Variants in ZNF512 observed in about 807,000 individuals in gnomAD.
ZNF512 encodes zinc finger protein 512.
ZNF512 carries 25 observed loss-of-function variants against 77.5 expected under a neutral mutation model. The observed-to-expected ratio is 0.32, with a 90% confidence interval of 0.23 to 0.45. The LOEUF (loss-of-function observed/expected upper bound fraction) is 0.45. ZNF512 is among the 20% of genes least tolerant of loss of function. The pLI is 1.00. For missense variants in ZNF512, 483 were observed against 692.6 expected, an observed-to-expected ratio of 0.70 and a Z score of 3.40; for synonymous variants, 246 against 239.9, an observed-to-expected ratio of 1.03 and a Z score of -0.24.
intron 3 of ZNF512, among the ~76,000 whole-genome samples, chr2:27,598,804 C>T (rs1264916038): frequency 6.6e-6 from 1 of 151,788 alleles, no homozygotes; most frequent in East Asian, 1.9e-4. Context: ...TTTGATTTTC[C>T]TCTTTGTAGT....
At chr2:27,592,839 C>A (rs1336843760) in intron 2 of ZNF512, among the ~76,000 whole-genome samples, 1 of 151,614 alleles carries the variant, frequency 6.6e-6, no homozygotes, top group Non-Finnish European at 1.5e-5. Flanking sequence ...GCATGTGCCA[C>A]CATGCCCAGC....
chr2:27,610,568 ATTTTTTTT>A (rs767964486), intron 10 of ZNF512, among the ~76,000 whole-genome samples: 305 of 18,174 alleles, frequency 0.017, 20 homozygotes, highest in African/African-American at 0.042. Context: ...ATATATATAT[ATTTTTTTT>A]TTTTTTTTTT....
intron 2 of ZNF512, among the ~76,000 whole-genome samples, chr2:27,588,311 G>A (rs1031358279): frequency 6.6e-6 from 1 of 151,958 alleles, no homozygotes; most frequent in African/African-American, 2.4e-5. Flanking sequence ...GCGACAGAGC[G>A]AGATTCCGTC....
Position 27,616,245 on chromosome 2 carries a change from TTTC to T in ZNF512, c.1234-12_1234-10del. ...GCTATTTGGCATAGTCTTCATACTA[TTTC>T]TTCTCTTTTGCAGGGCTGTGAGGCT... On this transcript the variant is annotated splice_polypyrimidine_tract_variant and intron_variant, in intron 11 of 13. Coordinates refer to ENST00000355467, the MANE Select transcript of ZNF512 (RefSeq NM_032434.4). 1 of 1,610,166 alleles carries T rather than the reference TTTC, an allele frequency of 6.2e-7. No individual in the cohort carries two copies. The highest frequency in any genetic ancestry group is 8.5e-7 in the Non-Finnish European group (1 of 1,176,450).
chr2:27,587,630 C>T (rs747064824), intron 2 of ZNF512, among the ~76,000 whole-genome samples: 17 of 148,636 alleles, frequency 1.1e-4, no homozygotes, highest in African/African-American at 3.9e-4. Flanking sequence ...AGCATCTGTT[C>T]GTATTCTTTC....
intron 10 of ZNF512, among the ~76,000 whole-genome samples, chr2:27,610,581 T>TATATATATACACA (rs1558474954): frequency 1.9e-5 from 1 of 51,484 alleles, no homozygotes; most frequent in African/African-American, 9.5e-5. Context: ...TTTTTTTTTT[T>TATATATATACACA]TTTTTTTTTT....
At chr2:27,605,959 C>T (rs1471083492) in intron 9 of ZNF512, among the ~76,000 whole-genome samples, 1 of 152,202 alleles carries the variant, frequency 6.6e-6, no homozygotes, top group Non-Finnish European at 1.5e-5. Flanking sequence ...GCTTTGCATC[C>T]TTGTCTACAT....
rs143764951 is a variant in ZNF512 at position 27,596,711 on chromosome 2, G to C, written c.90-1356G>C. Among the ~76,000 whole-genome samples, 611 of 152,342 alleles carry C rather than the reference G, an allele frequency of 4.0e-3. 3 individuals carry two copies. Among genetic ancestry groups the C allele is most frequent in the African/African-American group, 0.014 (584 of 41,580 alleles). On this transcript the variant is annotated intron_variant, in intron 2 of 13. Coordinates refer to ENST00000355467, the MANE Select transcript of ZNF512 (RefSeq NM_032434.4). ...CTTAGTGGGCTTAGCTGCCCCTCCAGAGCCAGGACTTCTGTGTATTAAATT... is the reference window on the plus strand; with the variant it reads ...CTTAGTGGGCTTAGCTGCCCCTCCACAGCCAGGACTTCTGTGTATTAAATT...
At chr2:27,595,280 A>G (rs1282238530) in intron 2 of ZNF512, among the ~76,000 whole-genome samples, 1 of 149,130 alleles carries the variant, frequency 6.7e-6, no homozygotes, top group Non-Finnish European at 1.5e-5. Context: ...TGTTCTTCAG[A>G]CTGGTTTTTT....
At chr2:27,593,063 C>T (rs977126943) in intron 2 of ZNF512, among the ~76,000 whole-genome samples, 3 of 151,684 alleles carry the variant, frequency 2.0e-5, no homozygotes, top group East Asian at 1.9e-4. Context: ...TGAATAGTTT[C>T]GTTAAGATGT....
intron 2 of ZNF512, among the ~76,000 whole-genome samples, chr2:27,594,355 GCGC>G (rs1558466457): frequency 1.4e-5 from 2 of 146,620 alleles, no homozygotes; most frequent in African/African-American, 5.1e-5. Flanking sequence ...CCGGGCGGAG[GCGC>G]TCCTCACCTC....
At chr2:27,609,549 G>T (rs991680570) in intron 10 of ZNF512, among the ~76,000 whole-genome samples, 1 of 151,992 alleles carries the variant, frequency 6.6e-6, no homozygotes, top group Non-Finnish European at 1.5e-5. Flanking sequence ...TCAACATGAT[G>T]AAACCCCGTC....
chr2:27,603,586 G>GTGTGTGTGTGTATATA (rs140043162), intron 9 of ZNF512, among the ~76,000 whole-genome samples: 63 of 72,436 alleles, frequency 8.7e-4, no homozygotes, highest in Non-Finnish European at 1.3e-3. Flanking sequence ...GTGTGTGTGT[G>GTGTGTGTGTGTATATA]TATATTTTTT....
chr2:27,595,448 C>G (rs944651189), intron 2 of ZNF512, among the ~76,000 whole-genome samples: 1 of 151,998 alleles, frequency 6.6e-6, no homozygotes, highest in Non-Finnish European at 1.5e-5. Context: ...CCTCAGCCTG[C>G]CGAGTAGCTG....
chr2:27,587,629 T>C (rs1671393177), intron 2 of ZNF512, among the ~76,000 whole-genome samples: 1 of 150,264 alleles, frequency 6.7e-6, no homozygotes. Flanking sequence ...GAGCATCTGT[T>C]CGTATTCTTT....
At chr2:27,611,883 A>G (rs1481304454) in intron 10 of ZNF512, among the ~76,000 whole-genome samples, 1 of 152,008 alleles carries the variant, frequency 6.6e-6, no homozygotes, top group African/African-American at 2.4e-5. Flanking sequence ...GTTATGGTAG[A>G]GACGGGGTTT....
intron 13 of ZNF512, among the ~76,000 whole-genome samples, chr2:27,619,709 C>T (rs1240948517): frequency 6.6e-6 from 1 of 151,864 alleles, no homozygotes; most frequent in African/African-American, 2.4e-5. Flanking sequence ...TGCTGTCAGC[C>T]ATCCTCAGCA....
chr2:27,586,958 A>G (rs1361471832), intron 2 of ZNF512, among the ~76,000 whole-genome samples: 1 of 152,200 alleles, frequency 6.6e-6, no homozygotes, highest in Non-Finnish European at 1.5e-5. Context: ...TTGTTTAGCC[A>G]TCTATCTTGA....
chr2:27,589,689 A>AGG (rs1474724250), intron 2 of ZNF512, among the ~76,000 whole-genome samples: 3 of 152,144 alleles, frequency 2.0e-5, no homozygotes, highest in Admixed American at 6.5e-5. Flanking sequence ...AAGCATTTAA[A>AGG]GCTTTAAGTT....
Sources: allele counts gnomAD v4.1 joint callset (sites outside exome capture counted in the v4.1 genomes callset), GRCh38; gene constraint gnomAD v4.1.1; transcripts MANE v1.5; gene names NCBI Gene and HGNC (gene_info 2026-07-23, HGNC 2026-07-21).